Variants in MACROD2 observed in about 807,000 individuals in gnomAD.
MACROD2 encodes the protein mono-ADP ribosylhydrolase 2.
A neutral mutation model predicts 70.4 loss-of-function variants in MACROD2; 36 were observed. The observed-to-expected ratio is 0.51, with a 90% CI of 0.39 to 0.68. The LOEUF (loss-of-function observed/expected upper bound fraction) is 0.68. Among genes scored for constraint, MACROD2 ranks in the 30% least tolerant of loss-of-function variants. The pLI is 0.00. For missense variants in MACROD2, 496 were observed against 538.4 expected, an observed-to-expected ratio of 0.92 and a Z score of 0.78; for synonymous variants, 172 against 178.8, an observed-to-expected ratio of 0.96 and a Z score of 0.30.
intron 1 of MACROD2, among the ~76,000 whole-genome samples, chr20:13,997,354 G>A (rs953785173): frequency 2.6e-5 from 4 of 152,084 alleles, no homozygotes; most frequent in African/African-American, 7.2e-5. Context: ...TGCCTTGTGA[G>A]CACTGAAAAA....
intron 6 of MACROD2, among the ~76,000 whole-genome samples, chr20:15,369,131 G>T (rs143747133): frequency 6.6e-6 from 1 of 152,002 alleles, no homozygotes. Context: ...TAAAAATTAA[G>T]TATTAATATT....
chr20:14,460,467 T>A (rs1359523483), intron 3 of MACROD2, among the ~76,000 whole-genome samples: 2 of 152,168 alleles, frequency 1.3e-5, no homozygotes, highest in Admixed American at 6.5e-5. Flanking sequence ...TGCATTTCTC[T>A]AATGAGCAGT....
intron 15 of MACROD2, among the ~76,000 whole-genome samples, chr20:16,004,648 G>A (rs902236552): frequency 5.9e-5 from 9 of 152,154 alleles, no homozygotes; most frequent in African/African-American, 1.2e-4. Context: ...TGTTTGCTCC[G>A]GCTCTGCGGC....
At chr20:15,663,348 C>T (rs966642948) in intron 8 of MACROD2, among the ~76,000 whole-genome samples, 9 of 150,946 alleles carry the variant, frequency 6.0e-5, no homozygotes, top group African/African-American at 2.2e-4. Context: ...GATTCTTGTG[C>T]CTCAGCCTCC....
chr20:14,451,646 G>C (rs1031923466), intron 3 of MACROD2, among the ~76,000 whole-genome samples: 1 of 152,128 alleles, frequency 6.6e-6, no homozygotes. Flanking sequence ...TAGACTCAGC[G>C]GCAGGCCTAG....
At chr20:15,488,481 C>T (rs934074061) in intron 7 of MACROD2, among the ~76,000 whole-genome samples, 7 of 152,300 alleles carry the variant, frequency 4.6e-5, no homozygotes, top group African/African-American at 1.7e-4. Flanking sequence ...AATAACCAAG[C>T]AAACAAAACG....
chr20:15,428,867 C>T (rs1239022366), intron 6 of MACROD2, among the ~76,000 whole-genome samples: 1 of 152,106 alleles, frequency 6.6e-6, no homozygotes, highest in Non-Finnish European at 1.5e-5. Flanking sequence ...GCCTTCCCTA[C>T]ACCTTGAGGG....
intron 5 of MACROD2, among the ~76,000 whole-genome samples, chr20:15,185,478 TA>T (rs777473146): frequency 1.3e-5 from 2 of 152,220 alleles, no homozygotes; most frequent in Non-Finnish European, 2.9e-5. Flanking sequence ...CTGTATCATT[TA>T]TCTGGGCTAA....
intron 2 of MACROD2, among the ~76,000 whole-genome samples, chr20:14,064,840 A>T (rs1011893362): frequency 1.3e-5 from 2 of 152,244 alleles, no homozygotes; most frequent in Non-Finnish European, 2.9e-5. Context: ...TAAATGAAGA[A>T]CATTTGTGAA....
intron 4 of MACROD2, among the ~76,000 whole-genome samples, chr20:14,597,824 A>G (rs975761061): frequency 5.3e-5 from 8 of 152,124 alleles, no homozygotes; most frequent in Admixed American, 1.3e-4. Context: ...GTTGTTTGCA[A>G]TAATTAAACA....
At chr20:15,105,162 A>C (rs1199971492) in intron 5 of MACROD2, among the ~76,000 whole-genome samples, 2 of 152,174 alleles carry the variant, frequency 1.3e-5, no homozygotes, top group Non-Finnish European at 2.9e-5. Context: ...TGGAAGGCCT[A>C]GGTGCAGCTG....
intron 7 of MACROD2, among the ~76,000 whole-genome samples, chr20:15,458,657 T>C (rs1266454018): frequency 6.6e-6 from 1 of 150,634 alleles, no homozygotes; most frequent in African/African-American, 2.4e-5. Flanking sequence ...AAAAAGATTG[T>C]GCCATTTATT....
At chr20:15,574,704 G>T (rs112649545) in intron 8 of MACROD2, among the ~76,000 whole-genome samples, 14 of 152,056 alleles carry the variant, frequency 9.2e-5, no homozygotes, top group African/African-American at 3.4e-4. Flanking sequence ...GAAAACCCCC[G>T]TACTTTCCTT....
chr20:14,711,906 G>T (rs1370716533), intron 5 of MACROD2, among the ~76,000 whole-genome samples: 1 of 152,150 alleles, frequency 6.6e-6, no homozygotes, highest in African/African-American at 2.4e-5. Flanking sequence ...TCGCCTTAGA[G>T]CTAGCTAAGT....
intron 5 of MACROD2, among the ~76,000 whole-genome samples, chr20:14,994,207 CTTGCCATA>C (rs2074930436): frequency 1.3e-5 from 2 of 151,892 alleles, no homozygotes; most frequent in Admixed American, 1.3e-4. Context: ...TTATATAGCA[CTTGCCATA>C]TTACCTGAAT....
intron 5 of MACROD2, among the ~76,000 whole-genome samples, chr20:14,859,039 G>C (rs1216914954): frequency 2.0e-5 from 3 of 152,000 alleles, no homozygotes; most frequent in Non-Finnish European, 4.4e-5. Flanking sequence ...TGATGCAAAG[G>C]CATGAGAATG....
chr20:15,590,922 AGAAG>A (rs1183660393), intron 8 of MACROD2, among the ~76,000 whole-genome samples: 83 of 149,354 alleles, frequency 5.6e-4, no homozygotes, highest in African/African-American at 1.8e-3. Context: ...AAGGAAGGAA[AGAAG>A]GAAGGAAGGA....
chr20:15,537,950 T>A (rs1053277609), intron 8 of MACROD2, among the ~76,000 whole-genome samples: 1 of 152,214 alleles, frequency 6.6e-6, no homozygotes, highest in Non-Finnish European at 1.5e-5. Flanking sequence ...TTTTTCATCA[T>A]TTTATCCCTA....
At position 14,684,873 on chromosome 20, in the gene MACROD2, CCT is replaced by C. The variant is rs1322010970; in HGVS notation, c.333_334del (p.Cys112PhefsTer4). ...GGCTGTATTCATAGAGCAGCCGGCCCCTGTTTGCTAGCTGAATGTCGTAACCT... is the reference window on the plus strand; with the variant it reads ...GGCTGTATTCATAGAGCAGCCGGCCCGTTTGCTAGCTGAATGTCGTAACCT... On this transcript the variant is annotated frameshift_variant, in exon 5 of 18. Coordinates refer to ENST00000684519, the MANE Select transcript of MACROD2 (RefSeq NM_001351661.2). LOFTEE classifies it high-confidence loss of function. The C allele has an allele frequency of 2.5e-6, 4 of 1,613,860 alleles. No homozygotes were observed. The highest frequency in any genetic ancestry group is 3.4e-6 in the Non-Finnish European group (4 of 1,179,938).
Sources: gnomAD v4.1 joint callset for allele counts (sites outside exome capture counted in the v4.1 genomes callset) on GRCh38, gnomAD v4.1.1 for gene constraint, MANE v1.5 for transcripts, NCBI Gene and HGNC (gene_info 2026-07-23, HGNC 2026-07-21) for gene names.